LSAMP: variants seen among roughly 807,000 people sequenced by gnomAD.
LSAMP encodes the protein limbic system associated membrane protein, also known as limbic system-associated membrane protein.
Under a neutral mutation model 38.6 loss-of-function variants are expected in LSAMP, and 7 were observed. The ratio of observed to expected loss-of-function variants is 0.18; its 90% CI spans 0.10 to 0.34. LSAMP has a LOEUF of 0.34. LSAMP is among the 10% of genes least tolerant of loss of function. The probability of loss-of-function intolerance (pLI) is 1.00; values close to 1 mark genes in which losing one functional copy is unlikely to be tolerated. For synonymous variants in LSAMP, 154 were observed against 166.8 expected (o/e 0.92, Z 0.59); for missense variants, 313 against 420.0 (o/e 0.75, Z 2.23).
At chr3:115,815,420 T>C (rs1329840571) in intron 6 of LSAMP, among the ~76,000 whole-genome samples, 8 of 152,146 alleles carry the variant, frequency 5.3e-5, no homozygotes. Flanking sequence ...TTAAAATCAA[T>C]TGAATGTGAG....
chr3:116,257,419 T>C (rs2046766014), intron 1 of LSAMP, among the ~76,000 whole-genome samples: 1 of 152,204 alleles, frequency 6.6e-6, no homozygotes, highest in African/African-American at 2.4e-5. Context: ...TTTCTGCTTT[T>C]TAACATTGTT....
intron 2 of LSAMP, among the ~76,000 whole-genome samples, chr3:116,068,552 T>C (rs1269019844): frequency 6.6e-6 from 1 of 152,242 alleles, no homozygotes; most frequent in Non-Finnish European, 1.5e-5. Context: ...GCAATGTTTA[T>C]TACAGCCTTG....
intron 1 of LSAMP, among the ~76,000 whole-genome samples, chr3:116,407,529 G>T (rs2048912290): frequency 6.6e-6 from 1 of 151,988 alleles, no homozygotes; most frequent in South Asian, 2.1e-4. Context: ...CCTTTGCAAG[G>T]AATGCTTATG....
At chr3:116,405,593 A>G (rs2048888227) in intron 1 of LSAMP, among the ~76,000 whole-genome samples, 1 of 152,148 alleles carries the variant, frequency 6.6e-6, no homozygotes, top group African/African-American at 2.4e-5. Flanking sequence ...TAAAACTCCA[A>G]GCAGATGAGC....
At chr3:116,011,310 T>A (rs772525286) in intron 3 of LSAMP, among the ~76,000 whole-genome samples, 3 of 152,172 alleles carry the variant, frequency 2.0e-5, no homozygotes, top group Non-Finnish European at 2.9e-5. Flanking sequence ...CTGGAGGAAG[T>A]GTCATCTTGA....
At position 116,331,492 on chromosome 3, in the gene LSAMP, C is replaced by T. The variant is rs966791760; in HGVS notation, c.155+113385G>A. Among the ~76,000 whole-genome samples, 23 of 152,084 alleles carry T rather than the reference C, an allele frequency of 1.5e-4. 1 individual carries two copies. Among genetic ancestry groups the T allele is most frequent in the African/African-American group, 4.6e-4 (19 of 41,428 alleles). ...AAAGACAAAGATAATTTGAAAGCAA[C>T]AAGAGAAAATGACACATCATATATG... is the stretch of plus-strand genomic sequence containing the variant. On this transcript the variant is annotated intron_variant, in intron 1 of 6. Transcript: ENST00000490035.
chr3:116,105,484 C>T (rs1708443392), intron 1 of LSAMP, among the ~76,000 whole-genome samples: 1 of 151,898 alleles, frequency 6.6e-6, no homozygotes, highest in Non-Finnish European at 1.5e-5. Context: ...AGGGGTGGGG[C>T]CGTTTTATAG....
At chr3:115,896,732 A>C (rs2107471642) in intron 3 of LSAMP, among the ~76,000 whole-genome samples, 1 of 152,224 alleles carries the variant, frequency 6.6e-6, no homozygotes. Context: ...TCATTTTTCT[A>C]AATTGGTCTC....
At chr3:115,981,938 T>C (rs957790358) in intron 3 of LSAMP, among the ~76,000 whole-genome samples, 4 of 152,168 alleles carry the variant, frequency 2.6e-5, no homozygotes, top group African/African-American at 9.7e-5. Flanking sequence ...TGTCTAAGGG[T>C]AAAAATGACA....
intron 1 of LSAMP, among the ~76,000 whole-genome samples, chr3:116,130,715 A>C (rs1576382089): frequency 6.6e-6 from 1 of 152,202 alleles, no homozygotes. Flanking sequence ...TTAAAAATAA[A>C]GTATAGAAAG....
At chr3:116,126,378 A>T (rs1709008819) in intron 1 of LSAMP, among the ~76,000 whole-genome samples, 1 of 152,262 alleles carries the variant, frequency 6.6e-6, no homozygotes, top group South Asian at 2.1e-4. Flanking sequence ...CCCAAAGTAT[A>T]TCAATTCCCT....
chr3:115,973,205 A>C (rs997687925), intron 3 of LSAMP, among the ~76,000 whole-genome samples: 4 of 152,180 alleles, frequency 2.6e-5, no homozygotes, highest in Admixed American at 1.3e-4. Context: ...GAATTACATG[A>C]TTTAAATTGT....
At chr3:116,066,961 T>C (rs1199124476) in intron 2 of LSAMP, among the ~76,000 whole-genome samples, 2 of 152,112 alleles carry the variant, frequency 1.3e-5, no homozygotes, top group African/African-American at 4.8e-5. Context: ...ACTGTGGAAA[T>C]CTCATTTGTT....
At chr3:116,068,925 A>C (rs1463176492) in intron 2 of LSAMP, among the ~76,000 whole-genome samples, 1 of 152,200 alleles carries the variant, frequency 6.6e-6, no homozygotes, top group Non-Finnish European at 1.5e-5. Flanking sequence ...TTTAAGAGAG[A>C]GGTAAATTTG....
At chr3:116,154,174 G>A (rs149608224) in intron 1 of LSAMP, among the ~76,000 whole-genome samples, 321 of 152,126 alleles carry the variant, frequency 2.1e-3, no homozygotes, top group African/African-American at 7.3e-3. Flanking sequence ...TAAAAGAAAC[G>A]TGATTCAGAA....
chr3:116,141,784 T>G (rs565191419), intron 1 of LSAMP, among the ~76,000 whole-genome samples: 1 of 152,070 alleles, frequency 6.6e-6, no homozygotes, highest in East Asian at 1.9e-4. Context: ...AAAATGGCCT[T>G]TCAGAATCAT....
At chr3:116,279,839 CAT>C (rs1475545932) in intron 1 of LSAMP, among the ~76,000 whole-genome samples, 3 of 152,218 alleles carry the variant, frequency 2.0e-5, no homozygotes, top group South Asian at 2.1e-4. Context: ...AAATGATTTT[CAT>C]ATGTCATATG....
At chr3:115,848,652 A>G (rs1935235153) in intron 4 of LSAMP, among the ~76,000 whole-genome samples, 1 of 152,188 alleles carries the variant, frequency 6.6e-6, no homozygotes, top group African/African-American at 2.4e-5. Flanking sequence ...GTGCCCCAGC[A>G]TGGGTGTTGG....
rs1250611949 is a variant in LSAMP at position 116,023,440 on chromosome 3, A to T, written c.389-3800T>A. On this transcript the variant is annotated intron_variant, in intron 2 of 6. Coordinates refer to ENST00000490035, the MANE Select transcript of LSAMP (RefSeq NM_002338.5). ...AAACCCCATCTCTACTAAAAATACT[A>T]AAAAAAAAAAAAAAATTAGCTGGGC... Among the ~76,000 whole-genome samples, 5 of 101,294 alleles carry T rather than the reference A, an allele frequency of 4.9e-5. No homozygotes were observed. In the Admixed American group the frequency reaches 5.0e-4, roughly 10 times the overall value. 66.5% of individuals were successfully genotyped at this position (101,294 alleles called of 152,430 possible).
Sources: gnomAD v4.1 joint callset for allele counts (sites outside exome capture counted in the v4.1 genomes callset) on GRCh38, gnomAD v4.1.1 for gene constraint, MANE v1.5 for transcripts, NCBI Gene and HGNC (gene_info 2026-07-23, HGNC 2026-07-21) for gene names.